The following FUT8 variants were observed in gnomAD, a reference collection of about 807,000 sequenced individuals.
The protein encoded by FUT8 is alpha-(1,6)-fucosyltransferase.
A neutral mutation model predicts 71.3 loss-of-function variants in FUT8; 29 were observed. The ratio of observed to expected loss-of-function variants is 0.41; its 90% CI spans 0.30 to 0.55. The LOEUF (loss-of-function observed/expected upper bound fraction) is 0.55. Ranked by LOEUF, FUT8 falls within the 20% of genes least tolerant of loss-of-function variation. The pLI, the probability that FUT8 is intolerant of heterozygous loss-of-function variation, is 0.34. For synonymous variants in FUT8, 254 were observed against 239.3 expected, an observed-to-expected ratio of 1.06 and a Z score of -0.57; for missense variants, 544 against 702.1, an observed-to-expected ratio of 0.77 and a Z score of 2.55.
chr14:65,699,226 A>G (rs1181006596), intron 7 of FUT8, among the ~76,000 whole-genome samples: 2 of 150,556 alleles, frequency 1.3e-5, no homozygotes, highest in Non-Finnish European at 2.9e-5. Context: ...ATGCCCATTC[A>G]CACCTGTTCC....
chr14:65,386,612 T>C, the FUT8 span, among the ~76,000 whole-genome samples: 1 of 151,804 alleles, frequency 6.6e-6, no homozygotes, highest in East Asian at 1.9e-4. Context: ...CTGGAACATA[T>C]GGAACATAGT....
At chr14:65,741,423 C>T (rs962579376) in intron 10 of FUT8, among the ~76,000 whole-genome samples, 2 of 151,942 alleles carry the variant, frequency 1.3e-5, no homozygotes, top group African/African-American at 4.8e-5. Context: ...GAAAACAGTT[C>T]TGGGAGCGGG....
At chr14:65,703,438 A>G (rs1039074675) in intron 7 of FUT8, among the ~76,000 whole-genome samples, 2 of 152,200 alleles carry the variant, frequency 1.3e-5, no homozygotes, top group Non-Finnish European at 2.9e-5. Context: ...TTTTTTGAGT[A>G]ATACCTTTAC....
chr14:65,728,748 A>T (rs1895811735), intron 9 of FUT8, among the ~76,000 whole-genome samples: 1 of 152,212 alleles, frequency 6.6e-6, no homozygotes, highest in Non-Finnish European at 1.5e-5. Context: ...AGCTTGCTGT[A>T]CAGGTTTGTA....
chr14:65,397,577 C>G, the FUT8 span, among the ~76,000 whole-genome samples: 1 of 152,342 alleles, frequency 6.6e-6, no homozygotes, highest in East Asian at 1.9e-4. The surrounding 1 kb of genome is among the most constrained non-coding windows in gnomAD (Gnocchi z 4.2). Flanking sequence ...ATTGCCATGT[C>G]TACACTGTTC....
chr14:65,595,011 G>A (rs1241170738), intron 3 of FUT8, among the ~76,000 whole-genome samples: 3 of 152,096 alleles, frequency 2.0e-5, no homozygotes, highest in South Asian at 2.1e-4. Context: ...TTGGGCCACC[G>A]ATTTCAGACT....
At chr14:65,426,050 T>C (rs2065381698) in intron 1 of FUT8, among the ~76,000 whole-genome samples, 1 of 152,150 alleles carries the variant, frequency 6.6e-6, no homozygotes, top group Non-Finnish European at 1.5e-5. Flanking sequence ...GTCACCATGC[T>C]GTACGTTAGA....
At chr14:65,683,260 G>A (rs932924213) in intron 7 of FUT8, among the ~76,000 whole-genome samples, 3 of 152,048 alleles carry the variant, frequency 2.0e-5, no homozygotes, top group Non-Finnish European at 4.4e-5. Context: ...TGATCCGCCC[G>A]CCTGGGCCTC....
chr14:65,680,144 C>T lies in FUT8; in HGVS notation c.835+10664C>T, dbSNP rs189701870. Reference sequence around the variant, plus strand: ...GAGAAGTTCCACGATCTGCCATCTGCAAGCTGGAGACCCAGGAAAGCCAGT... The same window carrying T: ...GAGAAGTTCCACGATCTGCCATCTGTAAGCTGGAGACCCAGGAAAGCCAGT... On this transcript the variant is annotated intron_variant, in intron 7 of 10. Transcript: ENST00000673929. Among the ~76,000 whole-genome samples, 315 of 152,298 alleles carry T rather than the reference C, an allele frequency of 2.1e-3. 1 individual carries two copies. The highest frequency in any genetic ancestry group is 3.4e-3 in the Middle Eastern group (1 of 294).
At chr14:65,712,736 C>T (rs895378070) in intron 7 of FUT8, among the ~76,000 whole-genome samples, 6 of 152,084 alleles carry the variant, frequency 3.9e-5, no homozygotes, top group Non-Finnish European at 8.8e-5. Flanking sequence ...CGAGTCACTG[C>T]GCCTGGTGAA....
intron 2 of FUT8, among the ~76,000 whole-genome samples, chr14:65,490,898 T>C (rs1225549883): frequency 5.9e-5 from 9 of 152,158 alleles, no homozygotes; most frequent in African/African-American, 1.9e-4. Flanking sequence ...CAATAACATA[T>C]CTTGGATTCT....
At chr14:65,719,700 A>G (rs1394354389) in intron 7 of FUT8, among the ~76,000 whole-genome samples, 5 of 152,260 alleles carry the variant, frequency 3.3e-5, no homozygotes, top group Non-Finnish European at 7.3e-5. Flanking sequence ...TGTGGTTCTT[A>G]CAGACTTGCA....
chr14:65,544,092 A>ATTC (rs1566813800), intron 2 of FUT8, among the ~76,000 whole-genome samples: 1 of 152,040 alleles, frequency 6.6e-6, no homozygotes, highest in Non-Finnish European at 1.5e-5. Flanking sequence ...TGTTTTTTGG[A>ATTC]AAAGAAGTAT....
rs534935078 is a variant in FUT8, at chr14:65,735,123, C to T, written c.1410+1742C>T. 5.9e-5 allele frequency among the ~76,000 whole-genome samples: 9 copies of T among 152,238 alleles called. No homozygotes were observed. The South Asian group carries it at 1.9e-3, about 32-fold the overall frequency. ...ACATGTAGGTAGGCACTGAGACTTA[C>T]AGGGTTGTACTCATGTTTTGCTTTT... On this transcript the variant is annotated intron_variant, in intron 10 of 10. Transcript: ENST00000673929.
chr14:65,653,859 A>G (rs944856347), intron 6 of FUT8, among the ~76,000 whole-genome samples: 1 of 152,200 alleles, frequency 6.6e-6, no homozygotes, highest in African/African-American at 2.4e-5. Flanking sequence ...GGAAAGAATT[A>G]CCATCCAGAA....
At chr14:65,707,982 G>T (rs1894631790) in intron 7 of FUT8, among the ~76,000 whole-genome samples, 1 of 152,100 alleles carries the variant, frequency 6.6e-6, no homozygotes, top group Admixed American at 6.6e-5. Flanking sequence ...TGTTAGGATT[G>T]TTTTTTCTAT....
chr14:65,711,619 T>TTA lies in FUT8; in HGVS notation c.836-10156_836-10155insTA, dbSNP rs1894814962. On this transcript the variant is annotated intron_variant, in intron 7 of 10. Transcript: ENST00000673929. ...TTTTCCTTACATTAGGGGAGACTAT[T>TTA]ACAGCTTAATTTAAAATGCAGCTAA... is the stretch of plus-strand genomic sequence containing the variant. Among the ~76,000 whole-genome samples, 9 of 152,290 alleles carry TTA rather than the reference T, an allele frequency of 5.9e-5. No individual in the cohort carries two copies. In the South Asian group the frequency reaches 1.9e-3, roughly 32 times the overall value.
At chr14:65,726,474 G>A (rs181639066) in intron 9 of FUT8, among the ~76,000 whole-genome samples, 249 of 152,282 alleles carry the variant, frequency 1.6e-3, no homozygotes, top group African/African-American at 5.5e-3. Context: ...ACATGGCAGC[G>A]GACTAGAGAA....
intron 6 of FUT8, among the ~76,000 whole-genome samples, chr14:65,630,411 TTTTG>T (rs1220183845): frequency 1.3e-5 from 2 of 152,212 alleles, no homozygotes; most frequent in Admixed American, 1.3e-4. Flanking sequence ...TTATTTTTGA[TTTTG>T]TTTTTCTGCT....
Sources: allele counts gnomAD v4.1 joint callset (sites outside exome capture counted in the v4.1 genomes callset), GRCh38; gene constraint gnomAD v4.1.1; non-coding constraint Gnocchi (gnomAD v3.1); transcripts MANE v1.5; gene names NCBI Gene and HGNC (gene_info 2026-07-23, HGNC 2026-07-21).